ANO10: variants seen among roughly 807,000 people sequenced by gnomAD.
ANO10 encodes the protein anoctamin-10.
Under a neutral mutation model 74.7 loss-of-function variants are expected in ANO10, and 77 were observed. That is an observed-to-expected ratio of 1.03 (90% CI 0.86 to 1.25). The LOEUF (loss-of-function observed/expected upper bound fraction) is 1.25, where lower values mean the gene tolerates loss of function less well. Among genes scored for constraint, ANO10 ranks in the 50% most tolerant of loss-of-function variants. ANO10 has a pLI of 0.00. For missense variants in ANO10, 721 were observed against 778.1 expected (o/e 0.93, Z 0.87); for synonymous variants, 279 against 284.9 (o/e 0.98, Z 0.21).
intron 5 of ANO10, among the ~76,000 whole-genome samples, chr3:43,579,040 GA>G (rs1268236094): frequency 3.3e-5 from 5 of 151,464 alleles, no homozygotes; most frequent in Non-Finnish European, 5.9e-5. Context: ...AAAACAGAAA[GA>G]AAATTATTTT....
chr3:43,573,279 G>GATAT (rs2080829704), intron 7 of ANO10, among the ~76,000 whole-genome samples: 1 of 152,110 alleles, frequency 6.6e-6, no homozygotes, highest in South Asian at 2.1e-4. Flanking sequence ...AAGCCTTTTG[G>GATAT]ATATGTAGGG....
chr3:43,601,156 T>C (rs1182229739), intron 2 of ANO10, among the ~76,000 whole-genome samples: 2 of 152,224 alleles, frequency 1.3e-5, no homozygotes, highest in South Asian at 2.1e-4. Context: ...AATGTACATA[T>C]AATTATTACT....
At chr3:43,482,127 G>A (rs958936375) in intron 11 of ANO10, among the ~76,000 whole-genome samples, 6 of 151,538 alleles carry the variant, frequency 4.0e-5, no homozygotes, top group South Asian at 2.1e-4. Context: ...ACAGGGTTTC[G>A]CCGTGTTAGC....
intron 11 of ANO10, among the ~76,000 whole-genome samples, chr3:43,527,670 C>A (rs1302029698): frequency 6.6e-6 from 1 of 152,136 alleles, no homozygotes; most frequent in African/African-American, 2.4e-5. Flanking sequence ...AAATAAACAT[C>A]CAAATCCAGC....
chr3:43,676,892 T>C (rs1255368654), intron 1 of ANO10, among the ~76,000 whole-genome samples: 1 of 152,062 alleles, frequency 6.6e-6, no homozygotes, highest in African/African-American at 2.4e-5. Context: ...TCTAGTACAG[T>C]CAAGGCACAC....
chr3:43,520,793 T>C (rs2077919631), intron 11 of ANO10, among the ~76,000 whole-genome samples: 1 of 152,168 alleles, frequency 6.6e-6, no homozygotes, highest in African/African-American at 2.4e-5. Flanking sequence ...TAGGATCAAC[T>C]TGTAATTTTT....
intron 12 of ANO10, among the ~76,000 whole-genome samples, chr3:43,390,529 A>C (rs1465528853): frequency 6.6e-6 from 1 of 152,182 alleles, no homozygotes; most frequent in African/African-American, 2.4e-5. Context: ...TCTTCTATGA[A>C]GCCTCCTTAG....
intron 1 of ANO10, among the ~76,000 whole-genome samples, chr3:43,689,042 T>C (rs2084314847): frequency 6.6e-6 from 1 of 151,998 alleles, no homozygotes; most frequent in African/African-American, 2.4e-5. Context: ...GAGTGAGGGG[T>C]AGGTGCCATA....
chr3:43,646,744 A>G (rs1382843599), intron 1 of ANO10, among the ~76,000 whole-genome samples: 3 of 152,118 alleles, frequency 2.0e-5, no homozygotes, highest in Admixed American at 2.0e-4. Context: ...TCCTGACCTC[A>G]GGTGATCTGC....
At chr3:43,476,917 C>A (rs1192412593) in intron 11 of ANO10, among the ~76,000 whole-genome samples, 1 of 151,764 alleles carries the variant, frequency 6.6e-6, no homozygotes, top group African/African-American at 2.4e-5. Context: ...TTTCCCTGTA[C>A]TATTCAATGC....
intron 12 of ANO10, among the ~76,000 whole-genome samples, chr3:43,376,080 G>C (rs1352833749): frequency 6.6e-6 from 1 of 152,212 alleles, no homozygotes; most frequent in Non-Finnish European, 1.5e-5. Context: ...CAACTGGCTG[G>C]TGATGGAGAG....
At chr3:43,609,034 A>C (rs1368927229) in intron 1 of ANO10, among the ~76,000 whole-genome samples, 2 of 152,116 alleles carry the variant, frequency 1.3e-5, no homozygotes, top group African/African-American at 2.4e-5. Context: ...CTTTTGTTGA[A>C]TTTCTCACTA....
At chr3:43,553,915 G>A (rs2079607536) in intron 10 of ANO10, among the ~76,000 whole-genome samples, 1 of 152,108 alleles carries the variant, frequency 6.6e-6, no homozygotes, top group Non-Finnish European at 1.5e-5. Flanking sequence ...CATTCAGTGA[G>A]CTTTTTATTT....
intron 11 of ANO10, among the ~76,000 whole-genome samples, chr3:43,451,965 T>C (rs1474807023): frequency 2.0e-5 from 3 of 152,180 alleles, no homozygotes. Flanking sequence ...TGGCTACCGA[T>C]AAACTCCCAA....
At chr3:43,668,086 C>A in intron 1 of ANO10, among the ~76,000 whole-genome samples, 1 of 152,150 alleles carries the variant, frequency 6.6e-6, no homozygotes, top group East Asian at 1.9e-4. Context: ...CACATCCACA[C>A]CAACGTCTAT....
intron 11 of ANO10, among the ~76,000 whole-genome samples, chr3:43,537,624 C>G (rs1373083922): frequency 6.6e-6 from 1 of 151,072 alleles, no homozygotes; most frequent in Non-Finnish European, 1.5e-5. Flanking sequence ...CACACACACA[C>G]ACACACACAC....
chr3:43,653,007 C>T (rs373089420), intron 1 of ANO10: 1 of 151,780 alleles, frequency 6.6e-6, no homozygotes, highest in Non-Finnish European at 1.5e-5. Context: ...AAGATTGAGA[C>T]CATCCTGGCC....
Position 43,577,489 on chromosome 3 carries a change from G to C in ANO10, c.593-228C>G, listed in dbSNP as rs9863479. On this transcript the variant is annotated intron_variant, in intron 5 of 12. Transcript: ENST00000292246. Reference sequence around the variant, plus strand: ...AGGGGCCAGGCCTTAGCTGGGGGGTGTGCTCCGCCAGGTGCCTGGACTCTG... The same window carrying C: ...AGGGGCCAGGCCTTAGCTGGGGGGTCTGCTCCGCCAGGTGCCTGGACTCTG... 0.78 allele frequency among the ~76,000 whole-genome samples: 117,742 copies of C among 151,582 alleles called. 46,256 individuals are homozygous for C. Among genetic ancestry groups the C allele is most frequent in the East Asian group, 0.89 (4,578 of 5,134 alleles).
intron 9 of ANO10, among the ~76,000 whole-genome samples, chr3:43,560,275 C>A (rs2079964349): frequency 6.6e-6 from 1 of 152,158 alleles, no homozygotes; most frequent in African/African-American, 2.4e-5. Flanking sequence ...GCTACAAACA[C>A]CTGGTTCTGG....
Sources: allele counts gnomAD v4.1 joint callset (sites outside exome capture counted in the v4.1 genomes callset), GRCh38; gene constraint gnomAD v4.1.1; transcripts MANE v1.5; gene names NCBI Gene and HGNC (gene_info 2026-07-23, HGNC 2026-07-21).